RPUSD4: variants seen among roughly 807,000 people sequenced by gnomAD.
RPUSD4 encodes RNA pseudouridine synthase D4.
In RPUSD4, 37 loss-of-function variants were observed where a neutral mutation model predicts 35.4. The observed-to-expected ratio is 1.04, with a 90% confidence interval of 0.80 to 1.37. The LOEUF (loss-of-function observed/expected upper bound fraction) is 1.37, where lower values mean the gene tolerates loss of function less well. Among genes scored for constraint, RPUSD4 ranks in the 40% most tolerant of loss-of-function variants. The pLI is 0.00. For synonymous variants in RPUSD4, 210 were observed against 192.7 expected (o/e 1.09, Z -0.74); for missense variants, 507 against 484.9 (o/e 1.05, Z -0.43).
At position 126,206,767 on chromosome 11, in the gene RPUSD4, C is replaced by A. The variant is rs112976845; in HGVS notation, c.558-986G>T. Among the ~76,000 whole-genome samples, 1,119 of 152,270 alleles carry A rather than the reference C, an allele frequency of 7.3e-3. 10 individuals carry two copies. Among genetic ancestry groups the A allele is most frequent in the African/African-American group, 0.026 (1,069 of 41,556 alleles). ...TGGTCGGTTGTATAATCACTAACCA[C>A]GGGGTCAAAATCCTACTCACACACA... is the stretch of plus-strand genomic sequence containing the variant. On this transcript the variant is annotated intron_variant, in intron 3 of 6. Transcript: ENST00000298317.
At position 126,205,449 on chromosome 11, in the gene RPUSD4, G is replaced by A. The variant is rs910302979; in HGVS notation, c.796+19C>T. The A allele has an allele frequency of 5.6e-6, 9 of 1,613,704 alleles. No individual in the cohort carries two copies. Among genetic ancestry groups the A allele is most frequent in the South Asian group, 4.4e-5 (4 of 91,080 alleles). On this transcript the variant is annotated intron_variant, in intron 5 of 6. Transcript: ENST00000298317. ...GCACAGGGTTTTGTGATCCCACTGCGGAAAAGTGACACTCTCACCAGTGAT... is the reference window on the plus strand; with the variant it reads ...GCACAGGGTTTTGTGATCCCACTGCAGAAAAGTGACACTCTCACCAGTGAT...
intron 3 of RPUSD4, among the ~76,000 whole-genome samples, chr11:126,206,909 A>G (rs1265754465): frequency 2.0e-5 from 3 of 152,190 alleles, no homozygotes; most frequent in South Asian, 2.1e-4. Flanking sequence ...ATGATATGAC[A>G]CTACAACTCA....
chr11:126,207,619 A>G (rs7127114), intron 3 of RPUSD4, among the ~76,000 whole-genome samples: 2,281 of 152,326 alleles, frequency 0.015, 62 homozygotes, highest in African/African-American at 0.051. Context: ...TAGCACTTTG[A>G]TGGACAGATC....
intron 2 of RPUSD4, among the ~76,000 whole-genome samples, chr11:126,210,436 A>C (rs1949836399): frequency 6.6e-6 from 1 of 152,068 alleles, no homozygotes; most frequent in Non-Finnish European, 1.5e-5. Context: ...TGACAACTAC[A>C]TGCAACATCT....
In RPUSD4 at chr11:126,202,688, A is replaced by G. The variant is rs750595098; in HGVS notation, c.*730T>C. ...TTGATTTAGTTGGCAATACACTGGG[A>G]GGTTTCACATAAATATCTAGGTTTC... On this transcript the variant is annotated 3_prime_UTR_variant, in exon 7 of 7. Transcript: ENST00000298317. 6.6e-6 allele frequency: 1 copy of G among 152,324 alleles called. No individual in the cohort carries two copies. The highest frequency in any genetic ancestry group is 2.4e-5 in the African/African-American group (1 of 41,580). 9.4% of individuals were successfully genotyped at this position (152,324 alleles called of 1,614,324 possible). A position where few individuals can be genotyped will look rare whatever the true frequency, so the allele number is the denominator to read the frequency against.
chr11:126,209,860 G>A (rs1391820883), intron 2 of RPUSD4, 138 bp from the exon 3 acceptor site: 6 of 686,550 alleles, frequency 8.7e-6, no homozygotes, highest in Non-Finnish European at 1.5e-5. Flanking sequence ...CCAGAGACTA[G>A]CAACAATGGC....
chr11:126,210,210 C>T (rs1464725354), intron 2 of RPUSD4, among the ~76,000 whole-genome samples: 1 of 152,044 alleles, frequency 6.6e-6, no homozygotes, highest in African/African-American at 2.4e-5. Flanking sequence ...AAAACAACTT[C>T]ATTGGGGAAT....
At chr11:126,204,599 C>T (rs1318605111) in intron 5 of RPUSD4, among the ~76,000 whole-genome samples, 3 of 152,222 alleles carry the variant, frequency 2.0e-5, no homozygotes, top group Non-Finnish European at 2.9e-5. Context: ...AACTTGCCGT[C>T]TACCATTACC....
intron 3 of RPUSD4, chr11:126,209,299 T>A: frequency 9.7e-6 from 5 of 513,934 alleles, no homozygotes; most frequent in South Asian, 9.6e-5. Flanking sequence ...CCCATGCTTG[T>A]ATAATTAATT....
intron 5 of RPUSD4, 106 bp from the exon 6 acceptor site, chr11:126,204,434 C>A: frequency 2.8e-6 from 2 of 726,702 alleles, no homozygotes; most frequent in South Asian, 1.8e-5. Flanking sequence ...GTGCAGTAAA[C>A]TGGCCAAGTC....
Position 126,211,527 on chromosome 11 carries a change from A to AGGCAGC in RPUSD4, c.106_111dup (p.Ala36_Ala37dup), listed in dbSNP as rs765567493. 4.3e-6 allele frequency: 7 copies of AGGCAGC among 1,614,198 alleles called. No homozygotes were observed. The highest frequency in any genetic ancestry group is 1.3e-5 in the African/African-American group (1 of 75,066). On this transcript the variant is annotated inframe_insertion, in exon 1 of 7. Transcript: ENST00000298317. ...AATCTCTGGGCATTTATGGCCGTAG[A>AGGCAGC]GGCAGCGGCAGCGGCACAAAATGGC...
chr11:126,209,535 C>T lies in RPUSD4; in HGVS notation c.543G>A (p.Val181=). 1 of 1,614,206 alleles carries T rather than the reference C, an allele frequency of 6.2e-7. No homozygotes were observed. Among genetic ancestry groups the T allele is most frequent in the Non-Finnish European group, 8.5e-7 (1 of 1,180,028 alleles). ...AGGCCTCATACCAGTACTTCTTCAC[C>T]ACCTGACGGGTTCTAAACAACTCTT... is the stretch of plus-strand genomic sequence containing the variant. ...QVQELFRTRQ[V]VKKYWAITVH... The change falls in exon 3 of 7, where the codon GTG becomes GTA. Residue 181 remains valine, a synonymous_variant. Coordinates refer to ENST00000298317, the MANE Select transcript of RPUSD4 (RefSeq NM_032795.3).
At chr11:126,208,785 G>A (rs1034780414) in intron 3 of RPUSD4, 9 of 152,166 alleles carry the variant, frequency 5.9e-5, no homozygotes, top group African/African-American at 1.9e-4. Flanking sequence ...CGCCGCACAC[G>A]CGTATACTGT....
At position 126,211,042 on chromosome 11, in the gene RPUSD4, G is replaced by C; in HGVS notation, c.203C>G (p.Ala68Gly). 6.2e-7 allele frequency: 1 copy of C among 1,613,568 alleles called. No individual in the cohort carries two copies. The change falls in exon 2 of 7, where the codon GCT (alanine) becomes GGT (glycine). Residue 68 changes from alanine (A) to glycine (G), a missense_variant. Physicochemically the swap from Ala to Gly is moderately conservative, Grantham distance 60. Coordinates refer to ENST00000298317, the MANE Select transcript of RPUSD4 (RefSeq NM_032795.3). Reference protein sequence around the residue: ...DTKKEPVSTNAVQRRVQEIVR... With the variant: ...DTKKEPVSTNGVQRRVQEIVR... ...TATTTCTTGCACTCTCCGCTGAACA[G>C]CGTTTGTGGACACCTAGGGAGAAAG... is the stretch of plus-strand genomic sequence containing the variant.
intron 3 of RPUSD4, chr11:126,209,050 G>A (rs1205927909): frequency 6.5e-6 from 1 of 152,706 alleles, no homozygotes; most frequent in Non-Finnish European, 1.5e-5. Flanking sequence ...GGAGTGCAGT[G>A]GTGTGATCAT....
chr11:126,207,896 C>T (rs1159319733), intron 3 of RPUSD4, among the ~76,000 whole-genome samples: 1 of 151,796 alleles, frequency 6.6e-6, no homozygotes, highest in Non-Finnish European at 1.5e-5. Context: ...ATAAACAACC[C>T]TGTAGAAAAA....
In RPUSD4 at chr11:126,203,489, G is replaced by A. The variant is rs76800971; in HGVS notation, c.1063C>T (p.Arg355Cys). The A allele has an allele frequency of 4.8e-5, 77 of 1,614,150 alleles. No homozygotes were observed. Among genetic ancestry groups the A allele is most frequent in the South Asian group, 3.0e-4 (27 of 91,086 alleles). The change falls in exon 7 of 7, where the codon CGC becomes TGC. Residue 355 changes from arginine to cysteine, a missense_variant. Physicochemically the swap from Arg to Cys is radical, Grantham distance 180. Transcript: ENST00000298317. ...LPRFFVHSLHRLRLEMPNEDQ... is the reference protein window; with the variant it reads ...LPRFFVHSLHCLRLEMPNEDQ... Reference sequence around the variant, plus strand: ...TCATTTGGCATCTCTAAACGCAGGCGGTGCAGGGAATGCACAAAGAAGCGA... The same window carrying A: ...TCATTTGGCATCTCTAAACGCAGGCAGTGCAGGGAATGCACAAAGAAGCGA...
In RPUSD4 at chr11:126,209,549, T is replaced by G. The variant is rs898248342; in HGVS notation, c.529A>C (p.Arg177=). 14 of 1,614,138 alleles carry G rather than the reference T, an allele frequency of 8.7e-6. No homozygotes were observed. Among genetic ancestry groups the G allele is most frequent in the Non-Finnish European group, 1.2e-5 (14 of 1,180,058 alleles). The part of the protein sequence containing the change: ...DMAHQVQELF[R]TRQVVKKYWA... ...TACTTCTTCACCACCTGACGGGTTC[T>G]AAACAACTCTTGGACTTGATGTGCC... is the stretch of plus-strand genomic sequence containing the variant. Residue 177 remains arginine (R), a synonymous_variant, in exon 3 of 7, where the codon AGA becomes CGA. Transcript: ENST00000298317.
At chr11:126,205,168 T>C (rs925712578) in intron 5 of RPUSD4, among the ~76,000 whole-genome samples, 1 of 152,218 alleles carries the variant, frequency 6.6e-6, no homozygotes, top group Non-Finnish European at 1.5e-5. Flanking sequence ...GCTATGAATA[T>C]GTGTGCAAAT....
Sources: allele counts gnomAD v4.1 joint callset (sites outside exome capture counted in the v4.1 genomes callset), GRCh38; gene constraint gnomAD v4.1.1; transcripts MANE v1.5; gene names NCBI Gene and HGNC (gene_info 2026-07-23, HGNC 2026-07-21).